KCNAB1: variants seen among roughly 807,000 people sequenced by gnomAD.
KCNAB1 encodes potassium voltage-gated channel subfamily A regulatory beta subunit 1.
Under a neutral mutation model 64.6 loss-of-function variants are expected in KCNAB1, and 35 were observed. That is an observed-to-expected ratio of 0.54 (90% CI 0.41 to 0.72). KCNAB1 has a LOEUF of 0.72. KCNAB1 is among the 30% of genes least tolerant of loss of function. The pLI, the probability that KCNAB1 is intolerant of heterozygous loss-of-function variation, is 0.00. For missense variants in KCNAB1, 401 were observed against 512.9 expected (o/e 0.78, Z 2.11); for synonymous variants, 177 against 183.8 (o/e 0.96, Z 0.30).
intron 1 of KCNAB1, among the ~76,000 whole-genome samples, chr3:156,309,655 C>T (rs773436459): frequency 3.6e-4 from 55 of 152,114 alleles, no homozygotes; most frequent in African/African-American, 1.2e-3. Context: ...ATATATCAAA[C>T]GGAATGTTAC....
intron 1 of KCNAB1, among the ~76,000 whole-genome samples, chr3:156,343,690 C>T (rs928267472): frequency 1.3e-5 from 2 of 152,196 alleles, no homozygotes; most frequent in Non-Finnish European, 2.9e-5. Flanking sequence ...ATGGTTTAGG[C>T]ACCAGCATCT....
chr3:156,424,876 C>G (rs1370352413), intron 2 of KCNAB1, among the ~76,000 whole-genome samples: 1 of 152,042 alleles, frequency 6.6e-6, no homozygotes, highest in African/African-American at 2.4e-5. Flanking sequence ...TTTTCAAGAG[C>G]CTGAACACTT....
chr3:156,420,248 A>G (rs1715380021), intron 1 of KCNAB1, among the ~76,000 whole-genome samples: 1 of 152,270 alleles, frequency 6.6e-6, no homozygotes, highest in Non-Finnish European at 1.5e-5. Context: ...AATGGCATAG[A>G]CATCAACGCT....
intron 11 of KCNAB1, among the ~76,000 whole-genome samples, chr3:156,520,875 A>T (rs1717899932): frequency 6.6e-6 from 1 of 152,170 alleles, no homozygotes; most frequent in African/African-American, 2.4e-5. Context: ...CAGTGTTCAG[A>T]ACTGAAATGT....
In KCNAB1 at chr3:156,141,489, T is replaced by C. The variant is rs116641927; in HGVS notation, c.275+20603T>C. On this transcript the variant is annotated intron_variant, in intron 1 of 13. Coordinates refer to ENST00000490337, the MANE Select transcript of KCNAB1 (RefSeq NM_172160.3). Reference sequence around the variant, plus strand: ...TTTGCCATTTTGAGAATGTTATATATATGGAATGATACAGATTCCAAAATG... The same window carrying C: ...TTTGCCATTTTGAGAATGTTATATACATGGAATGATACAGATTCCAAAATG... 2.6e-3 allele frequency among the ~76,000 whole-genome samples: 402 copies of C among 152,272 alleles called. 1 individual carries two copies. The highest frequency in any genetic ancestry group is 9.1e-3 in the African/African-American group (378 of 41,546).
intron 2 of KCNAB1, among the ~76,000 whole-genome samples, chr3:156,439,040 AAC>A (rs757227734): frequency 5.9e-5 from 7 of 117,954 alleles, no homozygotes; most frequent in African/African-American, 1.9e-4. Context: ...AAAAAAAAAA[AAC>A]CAGGATAGAC....
At chr3:156,434,926 G>A (rs999383882) in intron 2 of KCNAB1, among the ~76,000 whole-genome samples, 8 of 152,172 alleles carry the variant, frequency 5.3e-5, no homozygotes, top group African/African-American at 1.7e-4. Context: ...TCTCTTTGAA[G>A]CAGGCTCTGA....
intron 1 of KCNAB1, among the ~76,000 whole-genome samples, chr3:156,412,469 C>T (rs890894757): frequency 1.3e-5 from 2 of 152,198 alleles, no homozygotes; most frequent in African/African-American, 4.8e-5. Flanking sequence ...GTGGGCTCCA[C>T]ATCAGAGAGT....
chr3:156,125,490 G>A (rs918997955), intron 1 of KCNAB1, among the ~76,000 whole-genome samples: 7 of 152,226 alleles, frequency 4.6e-5, no homozygotes, highest in African/African-American at 1.7e-4. Flanking sequence ...CATACTATCA[G>A]TATTCACATT....
intron 1 of KCNAB1, among the ~76,000 whole-genome samples, chr3:156,352,366 C>A (rs966719213): frequency 6.6e-6 from 1 of 152,226 alleles, no homozygotes. Context: ...TCTTTCCCAT[C>A]AACTCTGAAG....
chr3:156,528,914 G>T (rs941881543), intron 12 of KCNAB1, among the ~76,000 whole-genome samples: 25 of 152,158 alleles, frequency 1.6e-4, no homozygotes, highest in Admixed American at 1.3e-3. Flanking sequence ...GAAGTGATAT[G>T]ATCAGATTTG....
chr3:156,306,998 T>C (rs987034392), intron 1 of KCNAB1, among the ~76,000 whole-genome samples: 8 of 152,166 alleles, frequency 5.3e-5, no homozygotes, highest in Non-Finnish European at 1.2e-4. Flanking sequence ...GAGTTAATAT[T>C]GTGTAAAAAT....
intron 1 of KCNAB1, chr3:156,291,242 C>T (rs986025079): frequency 7.1e-6 from 7 of 986,740 alleles, no homozygotes; most frequent in Non-Finnish European, 8.4e-6. Context: ...GCTCAGCAAC[C>T]CAGGCTTTCG....
At chr3:156,138,336 G>A (rs973220696) in intron 1 of KCNAB1, among the ~76,000 whole-genome samples, 14 of 152,252 alleles carry the variant, frequency 9.2e-5, no homozygotes, top group African/African-American at 2.9e-4. Flanking sequence ...AAAAATATGC[G>A]CTGGACTGTA....
upstream of KCNAB1, chr3:156,120,538 A>T: frequency 1.9e-6 from 3 of 1,547,122 alleles, no homozygotes; most frequent in Non-Finnish European, 2.6e-6. Context: ...CGAGGGAGGG[A>T]GGCAGAAGCA....
chr3:156,290,938 G>A (rs757582891), intron 1 of KCNAB1: 26 of 979,568 alleles, frequency 2.7e-5, no homozygotes, highest in Non-Finnish European at 3.0e-5. Flanking sequence ...CTAATAACAG[G>A]GATTTCAAGC....
chr3:156,508,553 G>T lies in KCNAB1; in HGVS notation c.659-5811G>T, dbSNP rs1315731858. Among the ~76,000 whole-genome samples, 1 of 152,064 alleles carries T rather than the reference G, an allele frequency of 6.6e-6. No homozygotes were observed. The highest frequency in any genetic ancestry group is 1.5e-5 in the Non-Finnish European group (1 of 68,014). ...ATGCATATTTTTTAAAACATTGATG[G>T]CCTACATTACTGAAACAACTGTCCC... On this transcript the variant is annotated intron_variant, in intron 8 of 13. Transcript: ENST00000490337. The surrounding 1 kb of genome is among the most constrained non-coding windows in gnomAD (Gnocchi z 4.1).
intron 1 of KCNAB1, among the ~76,000 whole-genome samples, chr3:156,290,274 T>C (rs1560177056): frequency 6.6e-6 from 1 of 152,364 alleles, no homozygotes; most frequent in East Asian, 1.9e-4. Context: ...GGGACAGTGC[T>C]TCCTTTTTTC....
intron 1 of KCNAB1, among the ~76,000 whole-genome samples, chr3:156,328,429 T>G (rs1723125162): frequency 6.6e-6 from 1 of 152,178 alleles, no homozygotes; most frequent in African/African-American, 2.4e-5. Context: ...CACCTCCAAA[T>G]CCACTAGATT....
Sources: allele counts gnomAD v4.1 joint callset (sites outside exome capture counted in the v4.1 genomes callset), GRCh38; gene constraint gnomAD v4.1.1; non-coding constraint Gnocchi (gnomAD v3.1); transcripts MANE v1.5; gene names NCBI Gene and HGNC (gene_info 2026-07-23, HGNC 2026-07-21).